Variants in NUGGC observed in about 807,000 individuals in gnomAD.
NUGGC encodes nuclear GTPase, germinal center associated, also known as nuclear GTPase SLIP-GC.
A neutral mutation model predicts 92.6 loss-of-function variants in NUGGC; 58 were observed. That is an observed-to-expected ratio of 0.63 (90% CI 0.51 to 0.78). The LOEUF (loss-of-function observed/expected upper bound fraction) is 0.78, where lower values mean the gene tolerates loss of function less well. Ranked by LOEUF, NUGGC falls within the 30% of genes least tolerant of loss-of-function variation. The pLI is 0.00. For missense variants in NUGGC, 925 were observed against 964.6 expected (o/e 0.96, Z 0.54); for synonymous variants, 376 against 366.4 (o/e 1.03, Z -0.30).
chr8:28,029,714 C>T (rs113949574), intron 16 of NUGGC, among the ~76,000 whole-genome samples: 5 of 152,222 alleles, frequency 3.3e-5, no homozygotes, highest in African/African-American at 1.2e-4. Context: ...GCTGCCACTG[C>T]ACTCCAGCCT....
chr8:28,030,303 C>G lies in NUGGC; in HGVS notation c.2017+7G>C. 1 of 1,478,254 alleles carries G rather than the reference C, an allele frequency of 6.8e-7. No individual in the cohort carries two copies. The allele number at this position is 1,478,254 out of a possible 1,614,324, so 91.6% of individuals were successfully genotyped here. Reference sequence around the variant, plus strand: ...CAGGCAGAAATGCTGTCCTCCGCAGCCCCCACCTTCGTAACAGAGCTTCAG... The same window carrying G: ...CAGGCAGAAATGCTGTCCTCCGCAGGCCCCACCTTCGTAACAGAGCTTCAG... On this transcript the variant is annotated splice_region_variant and intron_variant, in intron 16 of 18. Transcript: ENST00000413272.
At chr8:28,026,936 T>A (rs756380756) in intron 18 of NUGGC, 26 bp downstream of exon 18, 2 of 1,489,712 alleles carry the variant, frequency 1.3e-6, no homozygotes, top group South Asian at 2.3e-5. Context: ...ACAATCACCC[T>A]GTATACAAAG....
chr8:28,073,168 A>ATT (rs1464532304), intron 2 of NUGGC, among the ~76,000 whole-genome samples: 1 of 116,916 alleles, frequency 8.6e-6, no homozygotes, highest in Non-Finnish European at 1.7e-5. Context: ...CGCCTGGCTA[A>ATT]TTTTTTTTTC....
intron 7 of NUGGC, among the ~76,000 whole-genome samples, chr8:28,063,095 C>T (rs879918293): frequency 1.4e-4 from 22 of 151,994 alleles, no homozygotes; most frequent in Admixed American, 8.5e-4. Context: ...GAATTCATAA[C>T]GGGTTTTAGG....
chr8:28,045,565 G>C lies in NUGGC; in HGVS notation c.1408C>G (p.Leu470Val), dbSNP rs1809808771. The change falls in exon 12 of 19, where the codon CTC becomes GTC. Residue 470 changes from leucine to valine, a missense_variant. Transcript: ENST00000413272. ...KYVTEAFGLL[L>V]LTDSFNSTQN... Reference sequence around the variant, plus strand: ...GTGGAGTTGAAACTATCTGTGAGGAGCAACAGGCCAAAGGCTTCAGTCACA... The same window carrying C: ...GTGGAGTTGAAACTATCTGTGAGGACCAACAGGCCAAAGGCTTCAGTCACA... 6.2e-7 allele frequency: 1 copy of C among 1,612,752 alleles called. No homozygotes were observed. Among genetic ancestry groups the C allele is most frequent in the East Asian group, 2.2e-5 (1 of 44,864 alleles).
At chr8:28,036,896 C>T (rs1001184373) in intron 13 of NUGGC, among the ~76,000 whole-genome samples, 10 of 152,272 alleles carry the variant, frequency 6.6e-5, no homozygotes, top group East Asian at 3.9e-4. Flanking sequence ...CATGACTCAG[C>T]GGGTTTGGAG....
At chr8:28,037,162 A>G (rs538142157) in intron 13 of NUGGC, among the ~76,000 whole-genome samples, 25 of 152,204 alleles carry the variant, frequency 1.6e-4, no homozygotes, top group Admixed American at 1.4e-3. Flanking sequence ...AGACCCTGAC[A>G]CCTCCTAACC....
intron 7 of NUGGC, among the ~76,000 whole-genome samples, chr8:28,061,105 G>A (rs1810294279): frequency 6.6e-6 from 1 of 152,206 alleles, no homozygotes; most frequent in South Asian, 2.1e-4. Context: ...TCACTGGCTT[G>A]CTTTATCTCA....
rs760464811 is a variant in NUGGC at position 28,033,542 on chromosome 8, A to C, written c.1767T>G (p.Phe589Leu). Residue 589 changes from phenylalanine (F) to leucine (L), a missense_variant and splice_region_variant, in exon 14 of 19, where the codon TTT becomes TTG. By Grantham distance (22) the Phe-to-Leu change is conservative. Transcript: ENST00000413272. ...GTGCAAGATGAGAGATCCTTTACCT[A>C]AAAATGCTTCCAAAAACAGGGTCGA... Reference protein sequence around the residue: ...DQIDPVFGSIFRTGKPTGSAL... With the variant: ...DQIDPVFGSILRTGKPTGSAL... 6.5e-5 allele frequency: 104 copies of C among 1,612,392 alleles called. No individual in the cohort carries two copies. Among genetic ancestry groups the C allele is most frequent in the Non-Finnish European group, 8.6e-5 (102 of 1,179,376 alleles).
intron 8 of NUGGC, among the ~76,000 whole-genome samples, chr8:28,059,436 T>A (rs1810236552): frequency 6.6e-6 from 1 of 152,196 alleles, no homozygotes; most frequent in African/African-American, 2.4e-5. Context: ...ATGCATACCT[T>A]TCATTGTAAT....
rs1375423859 is a variant in NUGGC, at chr8:28,036,231, CTAAAAATAAGCA to C, written c.1612-2546_1612-2535del. Among the ~76,000 whole-genome samples, 3 of 152,204 alleles carry C rather than the reference CTAAAAATAAGCA, an allele frequency of 2.0e-5. No individual in the cohort carries two copies. The East Asian group carries it at 5.8e-4, about 29-fold the overall frequency. On this transcript the variant is annotated intron_variant, in intron 13 of 18. Coordinates refer to ENST00000413272, the MANE Select transcript of NUGGC (RefSeq NM_001010906.2). ...GGAAAATAAGAAATTAAGCATTACA[CTAAAAATAAGCA>C]TAAAAATAAGAAAATAGGCATTACA...
In NUGGC at chr8:28,029,711, C is replaced by T. The variant is rs550271842; in HGVS notation, c.2018-309G>A. Among the ~76,000 whole-genome samples the T allele has an allele frequency of 4.6e-5, 7 of 152,214 alleles. No homozygotes were observed. The South Asian group carries it at 1.5e-3, about 32-fold the overall frequency. ...TTGGAGTGAGCTGAGATCGCTGCCA[C>T]TGCACTCCAGCCTGGGTGACAAAGC... On this transcript the variant is annotated intron_variant, in intron 16 of 18. Transcript: ENST00000413272.
At position 28,030,408 on chromosome 8, in the gene NUGGC, A is replaced by C. The variant is rs560923166; in HGVS notation, c.1919T>G (p.Ile640Ser). ...KNFLIQEISA[I>S]LGGLEDHILR... ...GATGTGGTCCTCCAGGCCCCCGAGG[A>C]TGGCACTTATCTGGGAAGATGTGGC... Residue 640 changes from isoleucine to serine, a missense_variant, in exon 16 of 19, where the codon ATC (isoleucine) becomes AGC (serine). Physicochemically the swap from Ile to Ser is moderately radical, Grantham distance 142. Transcript: ENST00000413272. The C allele has an allele frequency of 6.4e-7, 1 of 1,563,252 alleles. No individual in the cohort carries two copies. Among genetic ancestry groups the C allele is most frequent in the South Asian group, 1.2e-5 (1 of 85,100 alleles).
intron 7 of NUGGC, among the ~76,000 whole-genome samples, chr8:28,061,805 G>A (rs1302531011): frequency 1.3e-5 from 2 of 152,112 alleles, no homozygotes; most frequent in Admixed American, 6.6e-5. Flanking sequence ...GTACTTGAAG[G>A]TAAAGGCCGA....
intron 13 of NUGGC, 60 bp downstream of exon 13, chr8:28,040,991 A>G: frequency 6.8e-7 from 1 of 1,480,472 alleles, no homozygotes; most frequent in South Asian, 1.2e-5. Context: ...ATGCAAAAGA[A>G]GCTTGGGGAT....
At chr8:28,029,463 C>T (rs2130073359) in intron 16 of NUGGC, 61 bp from the exon 17 acceptor site, 7 of 1,584,676 alleles carry the variant, frequency 4.4e-6, no homozygotes, top group Non-Finnish European at 5.2e-6. Context: ...ATCTTTGGCA[C>T]CATGGCCGGG....
chr8:28,037,516 C>A (rs17058489), intron 13 of NUGGC, among the ~76,000 whole-genome samples: 12 of 152,310 alleles, frequency 7.9e-5, no homozygotes, highest in Admixed American at 5.2e-4. Context: ...ACCTGGCCTG[C>A]GATTTCTTTT....
intron 1 of NUGGC, among the ~76,000 whole-genome samples, chr8:28,079,665 C>T (rs2130294641): frequency 6.6e-6 from 1 of 152,274 alleles, no homozygotes; most frequent in Non-Finnish European, 1.5e-5. Context: ...TTCCTGACTC[C>T]AAGTTCAATG....
chr8:28,023,332 G>C lies in NUGGC; in HGVS notation c.2376C>G (p.Pro792=), dbSNP rs771844076. ...GCCCCAGGAGTTACAGTGATGTCCC[G>C]GGGGGGCCAGCCTTGCTGGGGGATG... The part of the protein sequence containing the change: ...LRASPSKAGP[P]GTSL Residue 792 remains proline, a synonymous_variant, in exon 19 of 19, where the codon CCC becomes CCG. Transcript: ENST00000413272. 7 of 1,601,424 alleles carry C rather than the reference G, an allele frequency of 4.4e-6. No individual in the cohort carries two copies. Among genetic ancestry groups the C allele is most frequent in the African/African-American group, 1.3e-5 (1 of 74,738 alleles).
Sources: allele counts gnomAD v4.1 joint callset (sites outside exome capture counted in the v4.1 genomes callset), GRCh38; gene constraint gnomAD v4.1.1; transcripts MANE v1.5; gene names NCBI Gene and HGNC (gene_info 2026-07-23, HGNC 2026-07-21).